The following TRIM37 variants were observed in gnomAD, a reference collection of about 807,000 sequenced individuals.
The protein encoded by TRIM37 is tripartite motif containing 37.
In TRIM37, 80 loss-of-function variants were observed where a neutral mutation model predicts 129.8. That is an observed-to-expected ratio of 0.62 (90% confidence interval 0.51 to 0.74). The LOEUF (loss-of-function observed/expected upper bound fraction) is 0.74. TRIM37 is among the 30% of genes least tolerant of loss of function. The probability of loss-of-function intolerance (pLI) is 0.00; values close to 1 mark genes in which losing one functional copy is unlikely to be tolerated. For missense variants in TRIM37, 1,054 were observed against 1,176.5 expected, an observed-to-expected ratio of 0.90 and a Z score of 1.52; for synonymous variants, 389 against 387.1, an observed-to-expected ratio of 1.00 and a Z score of -0.06.
At chr17:59,037,507 A>G (rs992159788) in intron 17 of TRIM37, among the ~76,000 whole-genome samples, 2 of 137,284 alleles carry the variant, frequency 1.5e-5, no homozygotes, top group African/African-American at 2.8e-5. Flanking sequence ...GCAGTGAGCC[A>G]AGATCATGCC....
At chr17:58,996,766 CAAAA>C (rs764978723), downstream of TRIM37, among the ~76,000 whole-genome samples, 2 of 88,446 alleles carry the variant, frequency 2.3e-5, no homozygotes, top group Admixed American at 1.2e-4. Context: ...GAGACTCCAT[CAAAA>C]AAAAAAAAAA....
At chr17:59,097,270 G>C (rs891666537) in intron 2 of TRIM37, among the ~76,000 whole-genome samples, 2 of 151,946 alleles carry the variant, frequency 1.3e-5, no homozygotes, top group African/African-American at 2.4e-5. Context: ...ACATAATACA[G>C]GTACTAAAAA....
At chr17:58,996,607 C>T (rs1022957099), downstream of TRIM37, among the ~76,000 whole-genome samples, 2 of 151,570 alleles carry the variant, frequency 1.3e-5, no homozygotes, top group Non-Finnish European at 2.9e-5. Flanking sequence ...GGAGTGAAAC[C>T]CCATCTCCAC....
intron 24 of TRIM37, chr17:58,985,180 C>T (rs1206501552): frequency 3.3e-5 from 5 of 152,606 alleles, no homozygotes; most frequent in Middle Eastern, 3.2e-3. Context: ...TTAAAAACCA[C>T]TAGTCATTTG....
In TRIM37 at chr17:59,001,633, T is replaced by C; in HGVS notation, c.2777A>G (p.Asp926Gly). The C allele has an allele frequency of 6.2e-7, 1 of 1,613,706 alleles. No individual in the cohort carries two copies. Among genetic ancestry groups the C allele is most frequent in the Non-Finnish European group, 8.5e-7 (1 of 1,179,936 alleles). Residue 926 changes from aspartate to glycine, a missense_variant, in exon 23 of 24, where the codon GAC becomes GGC. Coordinates refer to ENST00000262294, the MANE Select transcript of TRIM37 (RefSeq NM_015294.6). ...EEHTSVGGFH[D>G]SFMVMTQPPD... ...GGGCTGTGTCATGACCATGAAGGAG[T>C]CGTGAAACCCGCCCACACTGGTATG...
Position 58,998,260 on chromosome 17 carries a change from A to C in TRIM37, c.*1117T>G. On this transcript the variant is annotated 3_prime_UTR_variant, in exon 24 of 24. Coordinates refer to ENST00000262294, the MANE Select transcript of TRIM37 (RefSeq NM_015294.6). ...AAACTATTTTGAACAAAAGTAAACT[A>C]TGAGTCACAGCATTCAGCAAGACAT... The C allele has an allele frequency of 1.0e-6, 1 of 985,498 alleles. No individual in the cohort carries two copies. The highest frequency in any genetic ancestry group is 1.7e-5 in the African/African-American group (1 of 57,376). The allele number at this position is 985,498 out of a possible 1,614,324, so 61.0% of individuals were successfully genotyped here. A position where few individuals can be genotyped will look rare whatever the true frequency, so the allele number is the denominator to read the frequency against.
intron 24 of TRIM37, among the ~76,000 whole-genome samples, chr17:58,990,377 G>C (rs1368676820): frequency 6.6e-6 from 1 of 151,768 alleles, no homozygotes; most frequent in Non-Finnish European, 1.5e-5. Context: ...TGTAATCCCA[G>C]CTACTAGGGA....
intron 2 of TRIM37, among the ~76,000 whole-genome samples, chr17:59,091,595 CATTATATATATAATATAT>C (rs2044378447): frequency 2.7e-5 from 1 of 37,330 alleles, no homozygotes; most frequent in African/African-American, 1.6e-4. Context: ...ATATATTATA[CATTATATATATAATATAT>C]ATATAATGTA....
At chr17:59,045,378 A>C (rs1320581208) in intron 16 of TRIM37, among the ~76,000 whole-genome samples, 1 of 148,456 alleles carries the variant, frequency 6.7e-6, no homozygotes, top group Admixed American at 6.7e-5. Context: ...AGTGGATCAC[A>C]CCTGTAATTC....
intron 22 of TRIM37, among the ~76,000 whole-genome samples, chr17:59,003,708 G>A (rs547649389): frequency 2.7e-5 from 4 of 149,196 alleles, no homozygotes; most frequent in African/African-American, 9.9e-5. Context: ...TTCAGCATAT[G>A]AAAAACCAGG....
At chr17:59,068,890 T>C (rs1212706988) in intron 9 of TRIM37, among the ~76,000 whole-genome samples, 1 of 152,118 alleles carries the variant, frequency 6.6e-6, no homozygotes, top group East Asian at 1.9e-4. Flanking sequence ...CTGGAAATAT[T>C]TTTGTCACAA....
In TRIM37 at chr17:59,106,688, G is replaced by A. The variant is rs1256044666; in HGVS notation, c.-227C>T. On this transcript the variant is annotated 5_prime_UTR_variant, in exon 1 of 24. Transcript: ENST00000262294. ...CGCCCGCCCCGAGGCGCAGAAGTAG[G>A]GCGAACGGTGGCCGCAGCTCCTTTC... is the stretch of plus-strand genomic sequence containing the variant. The A allele has an allele frequency of 3.3e-6, 2 of 600,142 alleles. No homozygotes were observed. The highest frequency in any genetic ancestry group is 5.9e-6 in the Non-Finnish European group (2 of 337,850). The allele number at this position is 600,142 out of a possible 1,614,324, so 37.2% of individuals were successfully genotyped here.
intron 24 of TRIM37, among the ~76,000 whole-genome samples, chr17:58,987,512 G>T (rs1287314591): frequency 6.6e-6 from 1 of 152,216 alleles, no homozygotes; most frequent in African/African-American, 2.4e-5. Flanking sequence ...TAGAAAGAGA[G>T]CAGCCCGTAC....
chr17:59,006,665 G>C (rs2034523007), intron 22 of TRIM37, among the ~76,000 whole-genome samples: 1 of 152,148 alleles, frequency 6.6e-6, no homozygotes. Flanking sequence ...AAGGCAGGCA[G>C]ATTGCCCGAG....
rs761529719 is a variant in TRIM37, at chr17:58,985,328, G to T, written c.2892-2407C>A. 1.1e-3 allele frequency among the ~76,000 whole-genome samples: 161 copies of T among 152,306 alleles called. 1 individual carries two copies. Among genetic ancestry groups the T allele is most frequent in the Admixed American group, 2.6e-3 (40 of 15,300 alleles). On this transcript the variant is annotated intron_variant, in intron 24 of 24. Coordinates refer to the TRIM37 transcript ENST00000393066. The stretch of plus-strand genomic sequence containing the variant: ...TTAAAAAGAAGATTTGCTAAATGCT[G>T]CTGTAACATTATTTTACCCCAGAAG...
intron 2 of TRIM37, among the ~76,000 whole-genome samples, chr17:59,094,448 G>A (rs2044673835): frequency 6.6e-6 from 1 of 152,140 alleles, no homozygotes. Context: ...ATTCAGATCT[G>A]TGTCTGATTC....
At position 58,998,641 on chromosome 17, in the gene TRIM37, T is replaced by C. The variant is rs1011133405; in HGVS notation, c.*736A>G. Reference sequence around the variant, plus strand: ...AAATATTTGTTGCACTACAGTCGTATAGTAAGAGGCAGAAAAAAATGAAAG... The same window carrying C: ...AAATATTTGTTGCACTACAGTCGTACAGTAAGAGGCAGAAAAAAATGAAAG... On this transcript the variant is annotated 3_prime_UTR_variant, in exon 24 of 24. Coordinates refer to ENST00000262294, the MANE Select transcript of TRIM37 (RefSeq NM_015294.6). The C allele has an allele frequency of 2.6e-5, 26 of 985,304 alleles. No individual in the cohort carries two copies. Among genetic ancestry groups the C allele is most frequent in the Middle Eastern group, 5.2e-4 (1 of 1,936 alleles). The allele number at this position is 985,304 out of a possible 1,614,324, so 61.0% of individuals were successfully genotyped here.
Position 59,001,882 on chromosome 17 carries a change from A to C in TRIM37, c.2696-168T>G. ...AACAAAGACAAAAGTAACCGCACAA[A>C]CCTCGATTCTCTTTAGCTATTTAGA... On this transcript the variant is annotated intron_variant, in intron 22 of 23. Coordinates refer to ENST00000262294, the MANE Select transcript of TRIM37 (RefSeq NM_015294.6). The C allele has an allele frequency of 4.1e-6, 4 of 967,758 alleles. No homozygotes were observed. In the South Asian group the frequency reaches 4.7e-5, roughly 11 times the overall value. The allele number at this position is 967,758 out of a possible 1,614,324, so 59.9% of individuals were successfully genotyped here.
intron 18 of TRIM37, among the ~76,000 whole-genome samples, chr17:59,031,342 C>T (rs531338540): frequency 6.6e-6 from 1 of 152,210 alleles, no homozygotes; most frequent in African/African-American, 2.4e-5. Flanking sequence ...AAGGCAAATA[C>T]TTAGTTGTCC....
Sources: gnomAD v4.1 joint callset for allele counts (sites outside exome capture counted in the v4.1 genomes callset) on GRCh38, gnomAD v4.1.1 for gene constraint, MANE v1.5 for transcripts, NCBI Gene and HGNC (gene_info 2026-07-23, HGNC 2026-07-21) for gene names.